The following WWOX variants were observed in gnomAD, a reference collection of about 807,000 sequenced individuals.
The protein encoded by WWOX is WW domain-containing oxidoreductase.
Under a neutral mutation model 46.2 loss-of-function variants are expected in WWOX, and 69 were observed. The ratio of observed to expected loss-of-function variants is 1.49; its 90% CI spans 1.23 to 1.82. WWOX has a LOEUF of 1.82. Among genes scored for constraint, WWOX ranks in the 40% most tolerant of loss-of-function variants. WWOX has a pLI of 0.00. For missense variants in WWOX, 919 were observed against 542.6 expected (o/e 1.69, Z -6.89); for synonymous variants, 359 against 202.6 (o/e 1.77, Z -6.56).
intron 8 of WWOX, among the ~76,000 whole-genome samples, chr16:78,834,897 T>C (rs2051935676): frequency 6.6e-6 from 1 of 152,216 alleles, no homozygotes; most frequent in South Asian, 2.1e-4. Flanking sequence ...GTAATAATCA[T>C]GCGTACCACC....
intron 8 of WWOX, among the ~76,000 whole-genome samples, chr16:78,827,916 C>T (rs1008290712): frequency 6.6e-6 from 1 of 152,140 alleles, no homozygotes; most frequent in South Asian, 2.1e-4. Flanking sequence ...GGCACTGCAC[C>T]TCCTCATTAG....
chr16:78,148,698 C>T (rs949607952), intron 4 of WWOX, among the ~76,000 whole-genome samples: 1 of 151,546 alleles, frequency 6.6e-6, no homozygotes, highest in East Asian at 2.0e-4. Context: ...GAGATCGAGA[C>T]CATCCTGGCT....
chr16:79,058,280 A>G (rs112423078), intron 8 of WWOX, among the ~76,000 whole-genome samples: 1 of 152,198 alleles, frequency 6.6e-6, no homozygotes, highest in Non-Finnish European at 1.5e-5. Context: ...TATTTTCTCT[A>G]TATAAAATGA....
intron 4 of WWOX, among the ~76,000 whole-genome samples, chr16:78,156,567 G>A (rs2034607732): frequency 1.3e-5 from 2 of 152,280 alleles, no homozygotes; most frequent in Middle Eastern, 3.4e-3. Flanking sequence ...CTGGGTGCTA[G>A]TCTGGCGAAA....
At chr16:79,209,050 C>A (rs148568630) in intron 8 of WWOX, among the ~76,000 whole-genome samples, 50 of 152,064 alleles carry the variant, frequency 3.3e-4, no homozygotes, top group African/African-American at 1.0e-3. Context: ...GTACTGTGTT[C>A]TACAAAGCCA....
chr16:78,445,061 T>C (rs2083528245), intron 8 of WWOX, among the ~76,000 whole-genome samples: 1 of 151,908 alleles, frequency 6.6e-6, no homozygotes, highest in Non-Finnish European at 1.5e-5. Flanking sequence ...AATCGTGTAG[T>C]GAGCCAGGTG....
intron 8 of WWOX, among the ~76,000 whole-genome samples, chr16:78,763,401 A>G (rs2049842363): frequency 1.3e-5 from 2 of 152,366 alleles, no homozygotes; most frequent in African/African-American, 2.4e-5. Context: ...AATACCTGCT[A>G]TCTACCAGGC....
chr16:79,153,060 TGG>T lies in WWOX; in HGVS notation c.1057-58547_1057-58546del, dbSNP rs760513421. 2.0e-5 allele frequency among the ~76,000 whole-genome samples: 3 copies of T among 152,140 alleles called. No homozygotes were observed. In the South Asian group the frequency reaches 6.2e-4, roughly 32 times the overall value. On this transcript the variant is annotated intron_variant, in intron 8 of 8. Coordinates refer to ENST00000566780, the MANE Select transcript of WWOX (RefSeq NM_016373.4). ...GAGACCTGCAGAGCGAGCGGAGGCC[TGG>T]TTTCTGTGAAGCACAGGGCAGGAAA...
intron 8 of WWOX, among the ~76,000 whole-genome samples, chr16:78,683,849 G>A (rs762545642): frequency 2.0e-5 from 3 of 152,120 alleles, no homozygotes; most frequent in Non-Finnish European, 4.4e-5. Flanking sequence ...TTAATTCGGC[G>A]TCTTTGGTCA....
intron 8 of WWOX, among the ~76,000 whole-genome samples, chr16:79,074,194 A>G (rs917893450): frequency 6.6e-6 from 1 of 152,098 alleles, no homozygotes; most frequent in African/African-American, 2.4e-5. Flanking sequence ...TGTTGAAGAT[A>G]GAAGAGCAAA....
chr16:78,763,031 G>A (rs1413473689), intron 8 of WWOX, among the ~76,000 whole-genome samples: 4 of 152,152 alleles, frequency 2.6e-5, no homozygotes, highest in African/African-American at 7.2e-5. Flanking sequence ...AACTGAGTAC[G>A]ACTCTGGGAC....
At chr16:79,181,188 C>T (rs1834037) in intron 8 of WWOX, among the ~76,000 whole-genome samples, 84,306 of 152,016 alleles carry the variant, frequency 0.55, 24,309 homozygotes, top group East Asian at 0.88. Context: ...ATGTATGTGA[C>T]TTAATAGCGT....
intron 5 of WWOX, among the ~76,000 whole-genome samples, chr16:78,318,667 T>G (rs2080403123): frequency 6.6e-6 from 1 of 152,154 alleles, no homozygotes; most frequent in African/African-American, 2.4e-5. Context: ...AGTGGGATAA[T>G]AAATGTTAAG....
chr16:79,169,330 C>A (rs1414645688), intron 8 of WWOX, among the ~76,000 whole-genome samples: 1 of 152,148 alleles, frequency 6.6e-6, no homozygotes, highest in Non-Finnish European at 1.5e-5. Flanking sequence ...AGATCAAGCC[C>A]CAGAGGGCCA....
At chr16:78,459,106 C>T (rs1240537732) in intron 8 of WWOX, among the ~76,000 whole-genome samples, 1 of 152,156 alleles carries the variant, frequency 6.6e-6, no homozygotes, top group African/African-American at 2.4e-5. Context: ...CAAGGGCCTT[C>T]TGTGTGAAGA....
At chr16:78,706,868 G>A (rs1597470568) in intron 8 of WWOX, among the ~76,000 whole-genome samples, 2 of 151,230 alleles carry the variant, frequency 1.3e-5, no homozygotes, top group East Asian at 1.9e-4. Flanking sequence ...CGCAATCCTG[G>A]CTGGCTGCAG....
intron 8 of WWOX, among the ~76,000 whole-genome samples, chr16:78,444,038 A>G (rs1449722171): frequency 6.6e-6 from 1 of 152,170 alleles, no homozygotes; most frequent in African/African-American, 2.4e-5. Context: ...TGTGAGGTGT[A>G]AGGTAATGTT....
At chr16:78,473,769 T>TA (rs2084288676) in intron 8 of WWOX, among the ~76,000 whole-genome samples, 1 of 152,142 alleles carries the variant, frequency 6.6e-6, no homozygotes, top group Non-Finnish European at 1.5e-5. Flanking sequence ...TAGCTGAAGA[T>TA]ACGGCAGCCC....
chr16:78,179,642 G>A (rs904069584), intron 5 of WWOX: 2 of 152,152 alleles, frequency 1.3e-5, no homozygotes, highest in African/African-American at 4.8e-5. Context: ...CACTTTAAAT[G>A]CATTAATTCA....
Sources: gnomAD v4.1 joint callset for allele counts (sites outside exome capture counted in the v4.1 genomes callset) on GRCh38, gnomAD v4.1.1 for gene constraint, MANE v1.5 for transcripts, NCBI Gene and HGNC (gene_info 2026-07-23, HGNC 2026-07-21) for gene names.